Variants in AHNAK2 observed in about 807,000 individuals in gnomAD.
The protein encoded by AHNAK2 is AHNAK nucleoprotein 2.
Under a neutral mutation model 30.7 loss-of-function variants are expected in AHNAK2, and 18 were observed. That is an observed-to-expected ratio of 0.59 (90% confidence interval 0.41 to 0.87). AHNAK2 has a LOEUF of 0.87. AHNAK2 is among the 40% of genes least tolerant of loss of function. AHNAK2 has a pLI of 0.00. For synonymous variants in AHNAK2, 3,590 were observed against 3,073.8 expected (o/e 1.17, Z -5.56); for missense variants, 8,604 against 7,373.0 (o/e 1.17, Z -6.11).
intron 1 of AHNAK2, among the ~76,000 whole-genome samples, chr14:104,965,350 A>C (rs971174551): frequency 6.7e-6 from 1 of 149,188 alleles, no homozygotes; most frequent in East Asian, 2.0e-4. Context: ...GCAGTGAGCC[A>C]AGATCATGCC....
rs762245508 is a variant in AHNAK2, at chr14:104,941,526, G to T, written c.13925C>A (p.Ser4642Ter). The T allele has an allele frequency of 3.1e-6, 5 of 1,613,002 alleles. No individual in the cohort carries two copies. The highest frequency in any genetic ancestry group is 3.4e-6 in the Non-Finnish European group (4 of 1,179,860). ...KLSTSGFEWS[S>*]KKVSMSSSEI... ...AGAGGAAGACATGGAAACTTTCTTT[G>T]ACGACCATTCAAAACCAGACGTGCT... is the stretch of plus-strand genomic sequence containing the variant. The change falls in exon 7 of 7, where the codon TCA (serine) becomes TAA (stop). Residue 4642 changes from serine to a stop codon, truncating the protein, a stop_gained. Coordinates refer to ENST00000333244, the MANE Select transcript of AHNAK2 (RefSeq NM_138420.4). LOFTEE classifies it low-confidence loss of function (END_TRUNC).
At position 104,952,648 on chromosome 14, in the gene AHNAK2, G is replaced by A; in HGVS notation, c.2803C>T (p.Gln935Ter). ...AGCTTGGGGCCCTTAACATCTATCT[G>A]GGGGCCCTTGAGGTCCACTTTGGGC... is the stretch of plus-strand genomic sequence containing the variant. ...KMPKVDLKGP[Q>*]IDVKGPKLDL... Residue 935 changes from glutamine to a stop codon, truncating the protein, a stop_gained, in exon 7 of 7, where the codon CAG becomes TAG. Coordinates refer to ENST00000333244, the MANE Select transcript of AHNAK2 (RefSeq NM_138420.4). LOFTEE classifies it low-confidence loss of function (END_TRUNC). The A allele has an allele frequency of 6.2e-7, 1 of 1,610,846 alleles. No homozygotes were observed. The highest frequency in any genetic ancestry group is 8.5e-7 in the Non-Finnish European group (1 of 1,179,014).
chr14:104,970,675 C>A (rs1217448933), intron 1 of AHNAK2, among the ~76,000 whole-genome samples: 2 of 152,180 alleles, frequency 1.3e-5, no homozygotes, highest in African/African-American at 4.8e-5. Context: ...CAGCCCCCAA[C>A]ACTCACTCAG....
chr14:104,969,318 C>A (rs1000154960), intron 1 of AHNAK2, among the ~76,000 whole-genome samples: 1 of 152,252 alleles, frequency 6.6e-6, no homozygotes, highest in Non-Finnish European at 1.5e-5. Flanking sequence ...TGCCATCCAT[C>A]GGTCAGACTG....
Position 104,949,593 on chromosome 14 carries a change from C to T in AHNAK2, c.5858G>A (p.Ser1953Asn), listed in dbSNP as rs1898538233. ...TAPDVEVSLP[S>N]MEVDVQAQKA... The stretch of plus-strand genomic sequence containing the variant: ...CTGGGCCTGGACATCCACCTCCATG[C>T]TGGGCAGAGACACCTCGACATCGGG... Residue 1953 changes from serine (S) to asparagine (N), a missense_variant, in exon 7 of 7, where the codon AGC (serine) becomes AAC (asparagine). Physicochemically the swap from Ser to Asn is conservative, Grantham distance 46. Coordinates refer to ENST00000333244, the MANE Select transcript of AHNAK2 (RefSeq NM_138420.4). 6.3e-7 allele frequency: 1 copy of T among 1,589,236 alleles called. No homozygotes were observed. Among genetic ancestry groups the T allele is most frequent in the African/African-American group, 1.4e-5 (1 of 73,398 alleles).
rs1898334858 is a variant in AHNAK2 at position 104,947,273 on chromosome 14, G to A, written c.8178C>T (p.Gly2726=). 3.1e-6 allele frequency: 5 copies of A among 1,611,324 alleles called. No homozygotes were observed. The highest frequency in any genetic ancestry group is 2.2e-5 in the East Asian group (1 of 44,610). The change falls in exon 7 of 7, where the codon GGC becomes GGT. Residue 2726 remains glycine, a synonymous_variant. Coordinates refer to ENST00000333244, the MANE Select transcript of AHNAK2 (RefSeq NM_138420.4). ...GCAGCTTGGGCAGGTGCCCTTTGAG[G>A]CCGGCTCCCTCGGGAACGTGGCCCT... ...LPEGHVPEGA[G]LKGHLPKLQM...
Position 104,953,035 on chromosome 14 carries a change from G to C in AHNAK2, c.2416C>G (p.Pro806Ala). The C allele has an allele frequency of 6.2e-7, 1 of 1,613,146 alleles. No homozygotes were observed. The highest frequency in any genetic ancestry group is 1.1e-5 in the South Asian group (1 of 91,056). ...CGCGCACCATCCAGCTTTGCTCTCG[G>C]GGCCTGGACGTCCACCTCCATGCTG... ...LSSMEVDVQAPRAKLDGARLE... is the reference protein window; with the variant it reads ...LSSMEVDVQAARAKLDGARLE... Residue 806 changes from proline (P) to alanine (A), a missense_variant, in exon 7 of 7, where the codon CCG becomes GCG. Physicochemically the swap from Pro to Ala is conservative, Grantham distance 27. Coordinates refer to ENST00000333244, the MANE Select transcript of AHNAK2 (RefSeq NM_138420.4).
intron 1 of AHNAK2, among the ~76,000 whole-genome samples, chr14:104,973,704 G>C (rs1899531073): frequency 6.6e-6 from 1 of 152,170 alleles, no homozygotes; most frequent in Non-Finnish European, 1.5e-5. Flanking sequence ...TCCCTTTCCG[G>C]ACTCCTGCCT....
chr14:104,956,632 C>CT lies in AHNAK2; in HGVS notation c.270dup (p.Asp91ArgfsTer62), dbSNP rs1314492025. The CT allele has an allele frequency of 1.9e-5, 31 of 1,613,816 alleles. No homozygotes were observed. Among genetic ancestry groups the CT allele is most frequent in the Non-Finnish European group, 2.5e-5 (30 of 1,179,880 alleles). On this transcript the variant is annotated frameshift_variant, in exon 4 of 7. Transcript: ENST00000333244. LOFTEE classifies it high-confidence loss of function. Reference sequence around the variant, plus strand: ...AAAAATGTCCGTGAGTCCCCTGAATCTCGCTTCCACCAGGATCTCCGTCTC... The same window carrying CT: ...AAAAATGTCCGTGAGTCCCCTGAATCTTCGCTTCCACCAGGATCTCCGTCTC...
At position 104,942,646 on chromosome 14, in the gene AHNAK2, C is replaced by T. The variant is rs755133395; in HGVS notation, c.12805G>A (p.Glu4269Lys). 19 of 1,610,568 alleles carry T rather than the reference C, an allele frequency of 1.2e-5. No homozygotes were observed. Among genetic ancestry groups the T allele is most frequent in the Admixed American group, 3.4e-5 (2 of 59,658 alleles). The change falls in exon 7 of 7, where the codon GAG becomes AAG. Residue 4269 changes from glutamate to lysine, a missense_variant. By Grantham distance (56) the Glu-to-Lys change is moderately conservative. Transcript: ENST00000333244. ...CTGTCCAGCTTGGCTCCCGGGGCCT[C>T]GACGTCCACCTCCATGCTGGGCAGA... ...VSLPSMEVDV[E>K]APGAKLDSVR...
rs1206221388 is a variant in AHNAK2 at position 104,950,022 on chromosome 14, G to A, written c.5429C>T (p.Ser1810Phe). Residue 1810 changes from serine to phenylalanine, a missense_variant, in exon 7 of 7, where the codon TCC (serine) becomes TTC (phenylalanine). By Grantham distance (155) the Ser-to-Phe change is radical (BLOSUM62 -2). Coordinates refer to ENST00000333244, the MANE Select transcript of AHNAK2 (RefSeq NM_138420.4). ...GGCAGTCACATCCTTGTCGGCCAGG[G>A]ACAGGTCACCCTCCAGCCGCACACT... ...LDSVRLEGDL[S>F]LADKDVTAKD... 3.8e-6 allele frequency: 6 copies of A among 1,587,360 alleles called. 1 individual carries two copies. The South Asian group carries it at 6.7e-5, about 18-fold the overall frequency.
chr14:104,948,570 T>G lies in AHNAK2; in HGVS notation c.6881A>C (p.Lys2294Thr). The change falls in exon 7 of 7, where the codon AAG becomes ACG. Residue 2294 changes from lysine (K) to threonine (T), a missense_variant. Transcript: ENST00000333244. ...CCCCTCCAGCCGCGCACCATCCAGCTTGGCTCCTGGGGCCTTGACGTCCAC... is the reference window on the plus strand; with the variant it reads ...CCCCTCCAGCCGCGCACCATCCAGCGTGGCTCCTGGGGCCTTGACGTCCAC... ...VEVDVKAPGAKLDGARLEGDM... is the reference protein window; with the variant it reads ...VEVDVKAPGATLDGARLEGDM... 6.2e-7 allele frequency: 1 copy of G among 1,612,662 alleles called. No homozygotes were observed. The highest frequency in any genetic ancestry group is 8.5e-7 in the Non-Finnish European group (1 of 1,179,772).
chr14:104,944,729 G>A lies in AHNAK2; in HGVS notation c.10722C>T (p.Pro3574=), dbSNP rs1363315090. 1 of 1,612,300 alleles carries A rather than the reference G, an allele frequency of 6.2e-7. No homozygotes were observed. The highest frequency in any genetic ancestry group is 1.3e-5 in the African/African-American group (1 of 74,564). The change falls in exon 7 of 7, where the codon CCC becomes CCT. Residue 3574 remains proline, a synonymous_variant. Coordinates refer to ENST00000333244, the MANE Select transcript of AHNAK2 (RefSeq NM_138420.4). The part of the protein sequence containing the change: ...LKTPKVDLKG[P]QIDVKGPKLD... ...GCTTGGGGCCCTTAACATCTATCTG[G>A]GGGCCCTTGAGGTCCACTTTGGGCG... is the stretch of plus-strand genomic sequence containing the variant.
Position 104,952,987 on chromosome 14 carries a change from C to G in AHNAK2, c.2464G>C (p.Ala822Pro). 1.9e-6 allele frequency: 3 copies of G among 1,612,494 alleles called. No homozygotes were observed. Among genetic ancestry groups the G allele is most frequent in the Non-Finnish European group, 2.5e-6 (3 of 1,179,516 alleles). The change falls in exon 7 of 7, where the codon GCC (alanine) becomes CCC (proline). Residue 822 changes from alanine to proline, a missense_variant. By Grantham distance (27) the Ala-to-Pro change is conservative. Coordinates refer to ENST00000333244, the MANE Select transcript of AHNAK2 (RefSeq NM_138420.4). ...TCTTTGGCAGTCACCTCCTTGTCGG[C>G]CAGGGACAGGTCCCCCTCCAGCCGC... Reference protein sequence around the residue: ...GARLEGDLSLADKEVTAKDSK... With the variant: ...GARLEGDLSLPDKEVTAKDSK...
chr14:104,948,019 T>C lies in AHNAK2; in HGVS notation c.7432A>G (p.Thr2478Ala), dbSNP rs201149870. 1.9e-4 allele frequency: 311 copies of C among 1,607,128 alleles called. 3 individuals carry two copies. The highest frequency in any genetic ancestry group is 1.2e-3 in the African/African-American group (86 of 72,654). The change falls in exon 7 of 7, where the codon ACC becomes GCC. Residue 2478 changes from threonine (T) to alanine (A), a missense_variant. Coordinates refer to ENST00000333244, the MANE Select transcript of AHNAK2 (RefSeq NM_138420.4). ...DLSVADKDVT[T>A]KDSRFKIPKF... is the part of the protein sequence containing the mutation. ...GGAATTTTGAACCTGCTGTCTTTGG[T>C]AGTCACATCCTTGTCCGCCACAGAC...
chr14:104,961,407 G>A (rs1174259089), intron 1 of AHNAK2, among the ~76,000 whole-genome samples: 5 of 151,292 alleles, frequency 3.3e-5, no homozygotes, highest in Admixed American at 6.6e-5. Context: ...CCAGCTACTC[G>A]GGAGGCTGAG....
intron 1 of AHNAK2, among the ~76,000 whole-genome samples, chr14:104,959,297 C>G (rs748294225): frequency 2.6e-5 from 4 of 152,178 alleles, no homozygotes; most frequent in Non-Finnish European, 5.9e-5. Flanking sequence ...CTCAGCCTCC[C>G]GAGTAGCTGG....
rs771935857 is a variant in AHNAK2 at position 104,943,961 on chromosome 14, T to G, written c.11490A>C (p.Ala3830=). Residue 3830 remains alanine (A), a synonymous_variant, in exon 7 of 7, where the codon GCA becomes GCC. Coordinates refer to ENST00000333244, the MANE Select transcript of AHNAK2 (RefSeq NM_138420.4). ...GACTCACATCGGCCTCCACCTTGGG[T>G]GCAGACACGTGCACCGAGGCCTCAA... ...KSIEASVHVS[A]PKVEADVSLP... is the part of the protein sequence containing the mutation. The G allele has an allele frequency of 1.9e-5, 30 of 1,611,682 alleles. No homozygotes were observed. Among genetic ancestry groups the G allele is most frequent in the Middle Eastern group, 1.6e-4 (1 of 6,070 alleles).
rs370843314 is a variant in AHNAK2 at position 104,944,696 on chromosome 14, C to G, written c.10755G>C (p.Leu3585=). 6.2e-7 allele frequency: 1 copy of G among 1,608,072 alleles called. No individual in the cohort carries two copies. The highest frequency in any genetic ancestry group is 1.7e-5 in the Admixed American group (1 of 59,460). Residue 3585 remains leucine (L), a synonymous_variant, in exon 7 of 7, where the codon CTG becomes CTC. Coordinates refer to ENST00000333244, the MANE Select transcript of AHNAK2 (RefSeq NM_138420.4). ...QIDVKGPKLD[L]KGPKAEVRVP... is the part of the protein sequence containing the mutation. ...CTCTCACTTCTGCCTTGGGGCCTTT[C>G]AGGTCCAGCTTGGGGCCCTTAACAT...
Sources: gnomAD v4.1 joint callset for allele counts (sites outside exome capture counted in the v4.1 genomes callset) on GRCh38, gnomAD v4.1.1 for gene constraint, MANE v1.5 for transcripts, NCBI Gene and HGNC (gene_info 2026-07-23, HGNC 2026-07-21) for gene names.